Variants in CABLES2 observed in about 807,000 individuals in gnomAD.
CABLES2 encodes the protein Cdk5 and Abl enzyme substrate 2.
Under a neutral mutation model 44.8 loss-of-function variants are expected in CABLES2, and 35 were observed. The ratio of observed to expected loss-of-function variants is 0.78; its 90% CI spans 0.60 to 1.04. The LOEUF (loss-of-function observed/expected upper bound fraction) is 1.04. CABLES2 is among the 50% of genes least tolerant of loss of function. The pLI, the probability that CABLES2 is intolerant of heterozygous loss-of-function variation, is 0.00. For missense variants in CABLES2, 566 were observed against 615.7 expected (o/e 0.92, Z 0.85); for synonymous variants, 282 against 281.1 (o/e 1.00, Z -0.03).
chr20:62,400,698 C>T (rs6089222), intron 1 of CABLES2, among the ~76,000 whole-genome samples: 27,632 of 152,146 alleles, frequency 0.18, 2,741 homozygotes, highest in Middle Eastern at 0.26. Context: ...AGCCTGAGGC[C>T]CCGCGGCAGC....
intron 1 of CABLES2, among the ~76,000 whole-genome samples, chr20:62,406,099 A>G (rs2427323): frequency 0.54 from 82,367 of 151,944 alleles, 24,199 homozygotes; most frequent in African/African-American, 0.76. Context: ...GGTGTGACAG[A>G]CCCAAAGATA....
chr20:62,393,635 T>C (rs1176952228), intron 5 of CABLES2, 30 bp from the exon 6 acceptor site: 1 of 1,540,988 alleles, frequency 6.5e-7, no homozygotes, highest in South Asian at 1.3e-5. Context: ...TGGCCTCAGC[T>C]CTGCCTCCCG....
chr20:62,390,588 C>T lies in CABLES2; in HGVS notation c.*383G>A, dbSNP rs369099076. 3.1e-5 allele frequency: 7 copies of T among 228,502 alleles called. No individual in the cohort carries two copies. The highest frequency in any genetic ancestry group is 8.9e-5 in the African/African-American group (4 of 45,090). 14.2% of individuals were successfully genotyped at this position (228,502 alleles called of 1,614,324 possible). A position where few individuals can be genotyped will look rare whatever the true frequency, so the allele number is the denominator to read the frequency against. ...CTCCACCCTGACGCTGTGGTGGCTG[C>T]GGTGGTTTGCAGAAGGCGAGGCCAG... is the stretch of plus-strand genomic sequence containing the variant. On this transcript the variant is annotated 3_prime_UTR_variant, in exon 10 of 10. Coordinates refer to ENST00000279101, the MANE Select transcript of CABLES2 (RefSeq NM_031215.3).
Position 62,396,810 on chromosome 20 carries a change from C to T in CABLES2, c.363-218G>A, listed in dbSNP as rs1465980143. Reference sequence around the variant, plus strand: ...CCTGTTTTGGAGGCACTGAGCTCTTCTCTGGGGACCAGCAGCCCTGGGGGA... The same window carrying T: ...CCTGTTTTGGAGGCACTGAGCTCTTTTCTGGGGACCAGCAGCCCTGGGGGA... On this transcript the variant is annotated intron_variant, in intron 1 of 9. Transcript: ENST00000279101. The surrounding 1 kb of genome is among the most constrained non-coding windows in gnomAD (Gnocchi z 5.7). Among the ~76,000 whole-genome samples the T allele has an allele frequency of 6.6e-6, 1 of 152,130 alleles. No individual in the cohort carries two copies. Among genetic ancestry groups the T allele is most frequent in the African/African-American group, 2.4e-5 (1 of 41,434 alleles).
chr20:62,395,649 T>A (rs1247565783), intron 3 of CABLES2, among the ~76,000 whole-genome samples: 2 of 152,194 alleles, frequency 1.3e-5, no homozygotes, highest in Non-Finnish European at 2.9e-5. Context: ...CTTCTCCCCC[T>A]CTCTGGCTTG....
In CABLES2 at chr20:62,394,244, C is replaced by T. The variant is rs774735184; in HGVS notation, c.627G>A (p.Gln209=). 1.9e-6 allele frequency: 3 copies of T among 1,613,462 alleles called. No individual in the cohort carries two copies. The South Asian group carries it at 3.3e-5, about 18-fold the overall frequency. ...CGCCGCCGGACGGGTGCCTCTGCTT[C>T]TGGCTGTCCACCCTCAGGTCACTGC... ...LRISDLRVDS[Q]KQRHPSGGVS... is the part of the protein sequence containing the mutation. Residue 209 remains glutamine (Q), a synonymous_variant, in exon 5 of 10, where the codon CAG becomes CAA. Transcript: ENST00000279101.
intron 1 of CABLES2, among the ~76,000 whole-genome samples, chr20:62,398,496 A>G (rs566684202): frequency 6.6e-6 from 1 of 152,272 alleles, no homozygotes; most frequent in Admixed American, 6.5e-5. Flanking sequence ...GTGTCACCCA[A>G]TCTGGACTCC....
Position 62,389,955 on chromosome 20 carries a change from C to T in CABLES2, c.*1016G>A. On this transcript the variant is annotated 3_prime_UTR_variant, in exon 10 of 10. Coordinates refer to ENST00000279101, the MANE Select transcript of CABLES2 (RefSeq NM_031215.3). ...AAGAAAAGGCACTGACGCACTGACC[C>T]TTTGAGGTTGTGTGGGGTGTGGTCA... is the stretch of plus-strand genomic sequence containing the variant. The T allele has an allele frequency of 6.6e-6, 1 of 152,140 alleles. No homozygotes were observed. The highest frequency in any genetic ancestry group is 1.9e-4 in the East Asian group (1 of 5,192). The allele number at this position is 152,140 out of a possible 1,614,324, so 9.4% of individuals were successfully genotyped here.
chr20:62,398,058 ATGGTGGTGGTGACGGTGGTGG>A (rs1569017441), intron 1 of CABLES2, among the ~76,000 whole-genome samples: 1 of 77,280 alleles, frequency 1.3e-5, no homozygotes, highest in East Asian at 3.7e-4. Flanking sequence ...GGTGATGGCG[ATGGTGGTGGTGACGGTGGTGG>A]TGGTGGTGAC....
Position 62,390,945 on chromosome 20 carries a change from G to C in CABLES2, c.*26C>G. 1 of 1,612,836 alleles carries C rather than the reference G, an allele frequency of 6.2e-7. No individual in the cohort carries two copies. Among genetic ancestry groups the C allele is most frequent in the Non-Finnish European group, 8.5e-7 (1 of 1,179,076 alleles). The stretch of plus-strand genomic sequence containing the variant: ...CCCAGGCCGGCAAGTGCACCTCGGT[G>C]CCCTGAGCCTTCTGTGGGGCCTCTG... On this transcript the variant is annotated 3_prime_UTR_variant, in exon 10 of 10. Coordinates refer to ENST00000279101, the MANE Select transcript of CABLES2 (RefSeq NM_031215.3).
chr20:62,398,108 G>GAC (rs1988090678), intron 1 of CABLES2, among the ~76,000 whole-genome samples: 2 of 119,160 alleles, frequency 1.7e-5, no homozygotes, highest in Middle Eastern at 3.7e-3. Flanking sequence ...TGGTGGTGAT[G>GAC]GTGGTGGTGG....
In CABLES2 at chr20:62,392,904, G is replaced by A; in HGVS notation, c.984+16C>T. 1 of 1,607,762 alleles carries A rather than the reference G, an allele frequency of 6.2e-7. No individual in the cohort carries two copies. The highest frequency in any genetic ancestry group is 1.3e-5 in the African/African-American group (1 of 74,954). ...GTGCAGCTGCCTGCACCCAGGCCCTGGGAGAGGGCACTCACCATGTACGAC... is the reference window on the plus strand; with the variant it reads ...GTGCAGCTGCCTGCACCCAGGCCCTAGGAGAGGGCACTCACCATGTACGAC... On this transcript the variant is annotated intron_variant, in intron 7 of 9. Coordinates refer to ENST00000279101, the MANE Select transcript of CABLES2 (RefSeq NM_031215.3).
intron 1 of CABLES2, among the ~76,000 whole-genome samples, chr20:62,398,232 C>CGGTGGTGATGATGGTGAT (rs1988113993): frequency 4.4e-5 from 2 of 45,080 alleles, no homozygotes; most frequent in Non-Finnish European, 8.3e-5. Context: ...GTGGTGGTGA[C>CGGTGGTGATGATGGTGAT]GGTGGTGATG....
At chr20:62,400,509 T>G (rs1365525038) in intron 1 of CABLES2, among the ~76,000 whole-genome samples, 2 of 152,144 alleles carry the variant, frequency 1.3e-5, no homozygotes, top group Non-Finnish European at 2.9e-5. Context: ...AGGAGGAGAT[T>G]TGGGGACTGT....
In CABLES2 at chr20:62,393,258, G is replaced by A. The variant is rs1298901331; in HGVS notation, c.880+182C>T. Among the ~76,000 whole-genome samples the A allele has an allele frequency of 3.3e-5, 5 of 152,394 alleles. No homozygotes were observed. The East Asian group carries it at 5.8e-4, about 18-fold the overall frequency. ...AGCTCCTCCCCACTGCCTGGCTCAG[G>A]CCAAGCCCAGGGATAGCGATTCAGT... is the stretch of plus-strand genomic sequence containing the variant. On this transcript the variant is annotated intron_variant, in intron 6 of 9. Transcript: ENST00000279101.
chr20:62,390,089 A>G lies in CABLES2; in HGVS notation c.*882T>C, dbSNP rs1045459861. The G allele has an allele frequency of 6.6e-6, 1 of 152,358 alleles. No homozygotes were observed. Among genetic ancestry groups the G allele is most frequent in the Non-Finnish European group, 1.5e-5 (1 of 68,018 alleles). The allele number at this position is 152,358 out of a possible 1,614,324, so 9.4% of individuals were successfully genotyped here. A position where few individuals can be genotyped will look rare whatever the true frequency, so the allele number is the denominator to read the frequency against. ...AAAAGACCCAAAAAACCAAATCCCA[A>G]TAAATATGTTATTTTTCTCCATCAC... is the stretch of plus-strand genomic sequence containing the variant. On this transcript the variant is annotated 3_prime_UTR_variant, in exon 10 of 10. Transcript: ENST00000279101.
At chr20:62,398,171 A>AATGGTGGTGGTGGTGACGGTGGTG (rs1988102583) in intron 1 of CABLES2, among the ~76,000 whole-genome samples, 3 of 23,246 alleles carry the variant, frequency 1.3e-4, no homozygotes, top group Admixed American at 4.3e-4. Context: ...TGATGGTGGT[A>AATGGTGGTGGTGGTGACGGTGGTG]ATGGTGGTGG....
At chr20:62,404,870 G>C (rs1988251858) in intron 1 of CABLES2, 1 of 152,288 alleles carries the variant, frequency 6.6e-6, no homozygotes, top group Admixed American at 6.5e-5. Flanking sequence ...CCTGTCCCAG[G>C]GATGCCGGCC....
chr20:62,406,664 C>T (rs1231391626), intron 1 of CABLES2, among the ~76,000 whole-genome samples: 2 of 147,776 alleles, frequency 1.4e-5, no homozygotes, highest in African/African-American at 2.6e-5. Context: ...CTGACCCTGA[C>T]CCCTGTGTCC....
Sources: allele counts gnomAD v4.1 joint callset (sites outside exome capture counted in the v4.1 genomes callset), GRCh38; gene constraint gnomAD v4.1.1; non-coding constraint Gnocchi (gnomAD v3.1); transcripts MANE v1.5; gene names NCBI Gene and HGNC (gene_info 2026-07-23, HGNC 2026-07-21).